Variants in PCDHGB1 observed in about 807,000 individuals in gnomAD.
PCDHGB1 encodes the protein protocadherin gamma subfamily B, 1, also known as protocadherin gamma-B1.
In PCDHGB1, 34 loss-of-function variants were observed where a neutral mutation model predicts 56.6. The ratio of observed to expected loss-of-function variants is 0.60; its 90% CI spans 0.46 to 0.80. The LOEUF (loss-of-function observed/expected upper bound fraction) is 0.80, where lower values mean the gene tolerates loss of function less well. Ranked by LOEUF, PCDHGB1 falls within the 30% of genes least tolerant of loss-of-function variation. PCDHGB1 has a pLI of 0.00. For missense variants in PCDHGB1, 1,278 were observed against 1,204.6 expected (o/e 1.06, Z -0.90); for synonymous variants, 561 against 505.9 (o/e 1.11, Z -1.46).
chr5:141,393,156 A>G (rs1028021318), intron 1 of PCDHGB1: 7 of 1,613,310 alleles, frequency 4.3e-6, no homozygotes, highest in African/African-American at 1.3e-5. Context: ...GGATAAAGGA[A>G]AACTCTTTGG....
intron 1 of PCDHGB1, chr5:141,478,043 A>G (rs1399496347): frequency 7.4e-6 from 12 of 1,613,710 alleles, no homozygotes; most frequent in Non-Finnish European, 1.0e-5. Flanking sequence ...ACCCAGGCAG[A>G]CTCTCACGGT....
At chr5:141,353,093 G>T (rs1040742747) in intron 1 of PCDHGB1, among the ~76,000 whole-genome samples, 2 of 152,022 alleles carry the variant, frequency 1.3e-5, no homozygotes, top group African/African-American at 2.4e-5. Context: ...TGCGGGAGGG[G>T]GTACTAGATA....
intron 1 of PCDHGB1, among the ~76,000 whole-genome samples, chr5:141,492,090 C>T (rs751238997): frequency 1.4e-4 from 21 of 152,258 alleles, no homozygotes; most frequent in Admixed American, 6.5e-5. Flanking sequence ...GCACGCTTCG[C>T]CGGTCTGTAG....
chr5:141,409,480 C>A, intron 1 of PCDHGB1: 1 of 1,614,002 alleles, frequency 6.2e-7, no homozygotes, highest in Non-Finnish European at 8.5e-7. Flanking sequence ...TAGCCACTGA[C>A]AGGGGCAAGC....
At chr5:141,357,538 A>C in intron 1 of PCDHGB1, 1 of 1,614,220 alleles carries the variant, frequency 6.2e-7, no homozygotes, top group South Asian at 1.1e-5. Flanking sequence ...AGACACGCTC[A>C]TCAGCCGGGA....
rs766835008 is a variant in PCDHGB1, at chr5:141,370,979, A to G, written c.2409+18310A>G. The G allele has an allele frequency of 3.7e-6, 6 of 1,613,990 alleles. 1 individual carries two copies. In the Admixed American group the frequency reaches 6.7e-5, roughly 18 times the overall value. On this transcript the variant is annotated intron_variant, in intron 1 of 3. Coordinates refer to ENST00000523390, the MANE Select transcript of PCDHGB1 (RefSeq NM_018922.3). ...ATGGCAGTAGGTACCCAGAGCTAGT[A>G]CTGAAAGCACCCCTGGACAGGGAAG...
At chr5:141,372,067 A>G (rs1209515606) in intron 1 of PCDHGB1, 2 of 1,613,450 alleles carry the variant, frequency 1.2e-6, no homozygotes, top group Admixed American at 1.7e-5. Flanking sequence ...CGCAACGACA[A>G]TGCACCGCTG....
In PCDHGB1 at chr5:141,485,179, C is replaced by G. The variant is rs1405000217; in HGVS notation, c.2410-9628C>G. The G allele has an allele frequency of 1.2e-6, 2 of 1,612,648 alleles. No homozygotes were observed. Among genetic ancestry groups the G allele is most frequent in the African/African-American group, 2.7e-5 (2 of 74,924 alleles). ...AGAATTAGCGGGCGGCAGCAATGCT[C>G]CGCAAGGTGAGAAGCTGGACAGAAA... is the stretch of plus-strand genomic sequence containing the variant. On this transcript the variant is annotated intron_variant, in intron 1 of 3. Transcript: ENST00000523390. This position sits in a 1 kb window ranked among gnomAD's most constrained non-coding sequence, Gnocchi z 5.7.
intron 1 of PCDHGB1, chr5:141,371,296 T>A: frequency 6.2e-7 from 1 of 1,614,000 alleles, no homozygotes; most frequent in Non-Finnish European, 8.5e-7. Flanking sequence ...ACGGGGGAAC[T>A]CACCACTATT....
At chr5:141,471,046 C>CT (rs1170588345) in intron 1 of PCDHGB1, among the ~76,000 whole-genome samples, 3,156 of 113,234 alleles carry the variant, frequency 0.028, 57 homozygotes, top group African/African-American at 0.046. Context: ...CCCAAGCCCT[C>CT]TTTTTTTTTT....
intron 3 of PCDHGB1, 88 bp from the exon 4 acceptor site, chr5:141,510,859 A>G: frequency 6.2e-7 from 1 of 1,606,096 alleles, no homozygotes; most frequent in Non-Finnish European, 8.5e-7. Context: ...GGTGCTGTAT[A>G]GGCATTCATT....
In PCDHGB1 at chr5:141,352,555, C is replaced by G; in HGVS notation, c.2295C>G (p.Asn765Lys). ...HSAKTEFNSLNLTPEMAPPQD... is the reference protein window; with the variant it reads ...HSAKTEFNSLKLTPEMAPPQD... ...CAAAGACAGAGTTTAATTCTCTCAA[C>G]CTGACACCGGAAATGGCTCCCCCTC... is the stretch of plus-strand genomic sequence containing the variant. Residue 765 changes from asparagine to lysine, a missense_variant, in exon 1 of 4, where the codon AAC becomes AAG. Asn to Lys is a moderately conservative substitution (Grantham distance 94). Coordinates refer to ENST00000523390, the MANE Select transcript of PCDHGB1 (RefSeq NM_018922.3). 6.2e-7 allele frequency: 1 copy of G among 1,614,008 alleles called. No individual in the cohort carries two copies. Among genetic ancestry groups the G allele is most frequent in the Non-Finnish European group, 8.5e-7 (1 of 1,179,894 alleles).
rs2093964070 is a variant in PCDHGB1, at chr5:141,400,115, G to A, written c.2409+47446G>A. On this transcript the variant is annotated intron_variant, in intron 1 of 3. Coordinates refer to ENST00000523390, the MANE Select transcript of PCDHGB1 (RefSeq NM_018922.3). ...ACGCTGCACTTGGTCTTTGCTGACA[G>A]CTTGCAGGAGGTGCTGCCGGATATC... The A allele has an allele frequency of 1.9e-6, 3 of 1,613,966 alleles. No individual in the cohort carries two copies. The African/African-American group carries it at 4.0e-5, about 22-fold the overall frequency.
Position 141,512,554 on chromosome 5 carries a change from T to TAG in PCDHGB1, c.*1383_*1384dup, listed in dbSNP as rs2099884300. ...AAGTTCCCCAGTGCCTCCTTGTGCA[T>TAG]AGACCTTCTTCTCCCACCCCCTTCT... is the stretch of plus-strand genomic sequence containing the variant. On this transcript the variant is annotated 3_prime_UTR_variant, in exon 4 of 4. Coordinates refer to ENST00000523390, the MANE Select transcript of PCDHGB1 (RefSeq NM_018922.3). 6.5e-6 allele frequency: 1 copy of TAG among 153,012 alleles called. No homozygotes were observed. Among genetic ancestry groups the TAG allele is most frequent in the Non-Finnish European group, 1.5e-5 (1 of 68,482 alleles). 9.5% of individuals were successfully genotyped at this position (153,012 alleles called of 1,614,324 possible).
At chr5:141,412,145 C>T (rs1335929166) in intron 1 of PCDHGB1, 1 of 152,210 alleles carries the variant, frequency 6.6e-6, no homozygotes, top group East Asian at 1.9e-4. Context: ...CTGATACAAA[C>T]TGCCTAAGAG....
chr5:141,375,588 C>A, intron 1 of PCDHGB1: 1 of 1,614,180 alleles, frequency 6.2e-7, no homozygotes, highest in Non-Finnish European at 8.5e-7. Context: ...GCGCCCCTGT[C>A]CTCCTACGTG....
intron 1 of PCDHGB1, chr5:141,355,939 T>G: frequency 6.2e-7 from 1 of 1,613,842 alleles, no homozygotes; most frequent in Non-Finnish European, 8.5e-7. Context: ...TCAGCCCGAG[T>G]ACCACGTAAG....
intron 1 of PCDHGB1, among the ~76,000 whole-genome samples, chr5:141,434,345 G>C (rs1254991411): frequency 1.3e-5 from 2 of 152,144 alleles, no homozygotes; most frequent in African/African-American, 4.8e-5. Flanking sequence ...GTCGGGAACA[G>C]GCCCCCCAAA....
intron 1 of PCDHGB1, among the ~76,000 whole-genome samples, chr5:141,466,036 G>C (rs981390655): frequency 1.3e-5 from 2 of 152,064 alleles, no homozygotes; most frequent in Non-Finnish European, 2.9e-5. Context: ...GCAGGAGAAC[G>C]GCATGAACCC....
Sources: allele counts gnomAD v4.1 joint callset (sites outside exome capture counted in the v4.1 genomes callset), GRCh38; gene constraint gnomAD v4.1.1; non-coding constraint Gnocchi (gnomAD v3.1); transcripts MANE v1.5; gene names NCBI Gene and HGNC (gene_info 2026-07-23, HGNC 2026-07-21).